Variants in EGFR observed in about 807,000 individuals in gnomAD.
EGFR encodes epidermal growth factor receptor.
Under a neutral mutation model 143.0 loss-of-function variants are expected in EGFR, and 58 were observed. The ratio of observed to expected loss-of-function variants is 0.41; its 90% CI spans 0.33 to 0.50. The LOEUF is 0.50. EGFR is among the 20% of genes least tolerant of loss of function. The probability of loss-of-function intolerance (pLI) is 0.39; values close to 1 mark genes in which losing one functional copy is unlikely to be tolerated. For synonymous variants in EGFR, 613 were observed against 594.4 expected, an observed-to-expected ratio of 1.03 and a Z score of -0.45; for missense variants, 1,307 against 1,579.0, an observed-to-expected ratio of 0.83 and a Z score of 2.92.
At chr7:55,156,963 T>C in intron 10 of EGFR, 131 bp downstream of exon 10, 5 of 1,535,538 alleles carry the variant, frequency 3.3e-6, no homozygotes, top group Admixed American at 2.0e-5. Flanking sequence ...GGCTGATGTT[T>C]TGATATTTTT....
chr7:55,153,288 G>A (rs1785248985), intron 6 of EGFR, among the ~76,000 whole-genome samples: 1 of 152,230 alleles, frequency 6.6e-6, no homozygotes, highest in African/African-American at 2.4e-5. Context: ...TGCCCCAGCG[G>A]GCTCTGAGCA....
chr7:55,173,270 ACCC>A (rs1786442485), intron 17 of EGFR, 146 bp downstream of exon 17: 3 of 1,254,926 alleles, frequency 2.4e-6, no homozygotes, highest in Non-Finnish European at 3.3e-6. Flanking sequence ...GTGCAGTTAT[ACCC>A]AGTTGGTGAC....
intron 13 of EGFR, among the ~76,000 whole-genome samples, chr7:55,162,294 G>T (rs1785748046): frequency 6.6e-6 from 1 of 152,210 alleles, no homozygotes; most frequent in South Asian, 2.1e-4. Flanking sequence ...TGTTTTAGAA[G>T]ATTTAAAGAA....
At chr7:55,042,931 C>T (rs757589296) in intron 1 of EGFR, among the ~76,000 whole-genome samples, 8 of 152,062 alleles carry the variant, frequency 5.3e-5, no homozygotes, top group African/African-American at 1.2e-4. Flanking sequence ...TAGACTCTCA[C>T]GTCTAGATGT....
At chr7:55,151,091 T>C (rs1785126857) in intron 4 of EGFR, among the ~76,000 whole-genome samples, 1 of 152,236 alleles carries the variant, frequency 6.6e-6, no homozygotes, top group Non-Finnish European at 1.5e-5. Flanking sequence ...GCAGCTGACA[T>C]GTAAATAAAA....
intron 1 of EGFR, among the ~76,000 whole-genome samples, chr7:55,064,040 G>A (rs1013413270): frequency 5.9e-5 from 9 of 151,938 alleles, no homozygotes; most frequent in African/African-American, 1.5e-4. Context: ...TTTTAAGCAC[G>A]TTAAGTCTTC....
intron 27 of EGFR, 92 bp from the exon 28 acceptor site, chr7:55,205,164 G>A (rs550770427): frequency 7.7e-6 from 12 of 1,556,086 alleles, no homozygotes; most frequent in Non-Finnish European, 9.5e-6. Context: ...AAGTCTCCTT[G>A]TTGAGGACAT....
intron 1 of EGFR, among the ~76,000 whole-genome samples, chr7:55,073,436 G>T (rs958166297): frequency 6.6e-6 from 1 of 152,162 alleles, no homozygotes; most frequent in Non-Finnish European, 1.5e-5. Flanking sequence ...GCTTCTGCAG[G>T]TGCAGTGATC....
chr7:55,022,685 G>A (rs1381907759), intron 1 of EGFR, among the ~76,000 whole-genome samples: 1 of 152,234 alleles, frequency 6.6e-6, no homozygotes, highest in Admixed American at 6.5e-5. Context: ...AGTGGTTTGT[G>A]TGTTAGACCC....
intron 1 of EGFR, among the ~76,000 whole-genome samples, chr7:55,063,999 T>C (rs1789352412): frequency 6.6e-6 from 1 of 150,786 alleles, no homozygotes; most frequent in South Asian, 2.2e-4. Flanking sequence ...TAAAGTCTTG[T>C]AGATTTATTA....
intron 9 of EGFR, 41 bp from the exon 10 acceptor site, chr7:55,156,718 T>C (rs1785435724): frequency 1.9e-6 from 3 of 1,614,186 alleles, no homozygotes; most frequent in Non-Finnish European, 2.5e-6. Context: ...TTTTAACTGG[T>C]AGAGATTGGT....
intron 4 of EGFR, among the ~76,000 whole-genome samples, chr7:55,148,049 T>G (rs377747930): frequency 2.2e-4 from 33 of 152,374 alleles, no homozygotes; most frequent in African/African-American, 6.5e-4. Flanking sequence ...ACACTGGGGT[T>G]GCTTCCATCT....
At chr7:55,156,125 G>T (rs1785407005) in intron 8 of EGFR, among the ~76,000 whole-genome samples, 179 bp downstream of exon 8, 1 of 152,222 alleles carries the variant, frequency 6.6e-6, no homozygotes, top group Non-Finnish European at 1.5e-5. Flanking sequence ...GGCACTGAAG[G>T]TTGTGACGGG....
intron 1 of EGFR, among the ~76,000 whole-genome samples, chr7:55,063,207 C>G (rs1334189902): frequency 6.6e-6 from 1 of 152,196 alleles, no homozygotes; most frequent in Non-Finnish European, 1.5e-5. Flanking sequence ...AACGACCGAC[C>G]TCATTAAACT....
intron 1 of EGFR, among the ~76,000 whole-genome samples, chr7:55,057,155 G>A (rs1029412767): frequency 6.6e-6 from 1 of 152,236 alleles, no homozygotes; most frequent in Non-Finnish European, 1.5e-5. Context: ...CAAACGGTCA[G>A]AAGCTTACAG....
chr7:55,198,779 G>C lies in EGFR; in HGVS notation c.2764G>C (p.Glu922Gln), dbSNP rs961150162. 2 of 1,614,084 alleles carry C rather than the reference G, an allele frequency of 1.2e-6. No individual in the cohort carries two copies. The highest frequency in any genetic ancestry group is 2.7e-5 in the African/African-American group (2 of 74,936). Residue 922 changes from glutamate to glutamine, a missense_variant, in exon 23 of 28, where the codon GAG becomes CAG. This residue lies in a region of EGFR where 348 missense variants were observed against 451.5 expected (regional missense o/e 0.77). Transcript: ENST00000275493. ...SKPYDGIPAS[E>Q]ISSILEKGER... Reference sequence around the variant, plus strand: ...GCCATATGACGGAATCCCTGCCAGCGAGATCTCCTCCATCCTGGAGAAAGG... The same window carrying C: ...GCCATATGACGGAATCCCTGCCAGCCAGATCTCCTCCATCCTGGAGAAAGG...
intron 1 of EGFR, among the ~76,000 whole-genome samples, chr7:55,046,651 C>T (rs76766943): frequency 6.6e-6 from 1 of 151,564 alleles, no homozygotes; most frequent in East Asian, 1.9e-4. Context: ...ATCTGCACTA[C>T]GCTTCTCGTA....
intron 22 of EGFR, among the ~76,000 whole-genome samples, 180 bp downstream of exon 22, chr7:55,193,021 C>T (rs536490744): frequency 6.6e-6 from 1 of 152,080 alleles, no homozygotes; most frequent in South Asian, 2.1e-4. Flanking sequence ...GAAATCGAGT[C>T]CAGCTGCCGT....
chr7:55,075,352 A>G (rs1790076485), intron 1 of EGFR, among the ~76,000 whole-genome samples: 1 of 152,154 alleles, frequency 6.6e-6, no homozygotes, highest in South Asian at 2.1e-4. Context: ...TCATTTTATT[A>G]ATTGAGCTGT....
Sources: allele counts gnomAD v4.1 joint callset (sites outside exome capture counted in the v4.1 genomes callset), GRCh38; gene constraint gnomAD v4.1.1; regional missense constraint gnomAD v4.1.1; transcripts MANE v1.5; gene names NCBI Gene and HGNC (gene_info 2026-07-23, HGNC 2026-07-21).